The following RPS6KA2 variants were observed in gnomAD, a reference collection of about 807,000 sequenced individuals.
RPS6KA2 encodes the protein ribosomal protein S6 kinase alpha-2.
In RPS6KA2, 42 loss-of-function variants were observed where a neutral mutation model predicts 91.8. The ratio of observed to expected loss-of-function variants is 0.46; its 90% CI spans 0.36 to 0.59. The LOEUF (loss-of-function observed/expected upper bound fraction) is 0.59. RPS6KA2 is among the 20% of genes least tolerant of loss of function. RPS6KA2 has a pLI of 0.00. For missense variants in RPS6KA2, 798 were observed against 978.5 expected (o/e 0.82, Z 2.46); for synonymous variants, 414 against 393.6 (o/e 1.05, Z -0.61).
intron 2 of RPS6KA2, among the ~76,000 whole-genome samples, chr6:166,761,265 G>A (rs573696091): frequency 5.3e-5 from 8 of 152,100 alleles, no homozygotes; most frequent in African/African-American, 1.7e-4. Context: ...GGCTGGTCTC[G>A]AACTCCTGAC....
At chr6:166,847,169 G>GA (rs201413326) in intron 2 of RPS6KA2, among the ~76,000 whole-genome samples, 41 of 146,108 alleles carry the variant, frequency 2.8e-4, no homozygotes, top group Admixed American at 2.1e-4. Flanking sequence ...TACAAGAGCT[G>GA]AAAAAAAAAA....
At chr6:166,541,137 C>T (rs961476737) in intron 1 of RPS6KA2, among the ~76,000 whole-genome samples, 6 of 152,172 alleles carry the variant, frequency 3.9e-5, no homozygotes, top group Admixed American at 1.3e-4. Flanking sequence ...GTTAATGCGA[C>T]GCCCACACTA....
chr6:166,840,698 C>T (rs1008347159), intron 2 of RPS6KA2, among the ~76,000 whole-genome samples: 4 of 152,154 alleles, frequency 2.6e-5, no homozygotes, highest in Non-Finnish European at 4.4e-5. Context: ...CTGGGCCGGG[C>T]GTGGTGGCTC....
Position 166,419,959 on chromosome 6 carries a change from C to G in RPS6KA2, c.1744-1G>C. 6.2e-7 allele frequency: 1 copy of G among 1,613,568 alleles called. No homozygotes were observed. Among genetic ancestry groups the G allele is most frequent in the Non-Finnish European group, 8.5e-7 (1 of 1,179,654 alleles). On this transcript the variant is annotated splice_acceptor_variant, in intron 17 of 20. Transcript: ENST00000265678. LOFTEE classifies it high-confidence loss of function. This position sits in a 1 kb window ranked among gnomAD's most constrained non-coding sequence, Gnocchi z 5.6. ...CATCATAGCCTTGACGCTTCAGGAC[C>G]TAGGAGGGAACGACAGGACACCGGC...
intron 2 of RPS6KA2, among the ~76,000 whole-genome samples, chr6:166,688,026 G>A (rs916238302): frequency 5.9e-5 from 9 of 152,300 alleles, no homozygotes; most frequent in African/African-American, 1.7e-4. Context: ...ATGACACAGC[G>A]GGACAGGGAT....
chr6:166,451,856 T>C (rs866591725), intron 12 of RPS6KA2, among the ~76,000 whole-genome samples: 7 of 152,356 alleles, frequency 4.6e-5, no homozygotes, highest in Middle Eastern at 3.4e-3. Context: ...GCATGACTGC[T>C]GTGAGATTGA....
intron 1 of RPS6KA2, among the ~76,000 whole-genome samples, chr6:166,589,617 C>A (rs911750133): frequency 6.6e-6 from 1 of 152,128 alleles, no homozygotes; most frequent in African/African-American, 2.4e-5. Context: ...AAATAAGAGC[C>A]TAAAGGGAAA....
intron 10 of RPS6KA2, among the ~76,000 whole-genome samples, chr6:166,486,606 C>T (rs1781418804): frequency 6.6e-6 from 1 of 152,258 alleles, no homozygotes; most frequent in South Asian, 2.1e-4. Flanking sequence ...GCACTGGACA[C>T]AGTCCTTTCC....
At chr6:166,706,233 C>T (rs1203541034) in intron 2 of RPS6KA2, among the ~76,000 whole-genome samples, 1 of 152,134 alleles carries the variant, frequency 6.6e-6, no homozygotes, top group South Asian at 2.1e-4. Context: ...TATCAAATAC[C>T]TCTCTGTACC....
intron 2 of RPS6KA2, among the ~76,000 whole-genome samples, chr6:166,836,613 G>A (rs1482712100): frequency 1.3e-5 from 2 of 152,000 alleles, no homozygotes; most frequent in African/African-American, 4.8e-5. Flanking sequence ...TCCCCTCTGT[G>A]CTAAAACTCA....
chr6:166,541,315 C>T (rs1008819574), intron 1 of RPS6KA2, among the ~76,000 whole-genome samples: 3 of 152,366 alleles, frequency 2.0e-5, no homozygotes, highest in African/African-American at 7.2e-5. Flanking sequence ...GCAGCCACCA[C>T]CCTTTCCTGG....
chr6:166,738,172 C>G (rs1234771777), intron 2 of RPS6KA2, among the ~76,000 whole-genome samples: 1 of 152,168 alleles, frequency 6.6e-6, no homozygotes, highest in Non-Finnish European at 1.5e-5. Flanking sequence ...TATGAATGTA[C>G]ACATAGGTTA....
intron 10 of RPS6KA2, among the ~76,000 whole-genome samples, chr6:166,471,253 G>T (rs2128465559): frequency 6.6e-6 from 1 of 152,346 alleles, no homozygotes; most frequent in South Asian, 2.1e-4. Flanking sequence ...AGCTGGCCTG[G>T]AGTGGCGCAG....
chr6:166,510,453 T>C, intron 3 of RPS6KA2, 96 bp from the exon 4 acceptor site: 1 of 713,070 alleles, frequency 1.4e-6, no homozygotes, highest in Admixed American at 3.3e-5. Flanking sequence ...CCGCCAACTT[T>C]TCATTAAAAA....
intron 2 of RPS6KA2, among the ~76,000 whole-genome samples, chr6:166,827,632 C>T (rs78680405): frequency 2.0e-5 from 3 of 152,144 alleles, no homozygotes; most frequent in Non-Finnish European, 2.9e-5. Context: ...CATTCTGTTG[C>T]GTACTGAAAA....
intron 2 of RPS6KA2, among the ~76,000 whole-genome samples, chr6:166,689,506 C>T (rs1789135914): frequency 6.6e-6 from 1 of 152,194 alleles, no homozygotes; most frequent in African/African-American, 2.4e-5. Flanking sequence ...TTAAACTGAG[C>T]ATGGCCAGTT....
At chr6:166,678,327 G>A (rs557803761) in intron 2 of RPS6KA2, among the ~76,000 whole-genome samples, 191 of 152,228 alleles carry the variant, frequency 1.3e-3, no homozygotes, top group African/African-American at 4.2e-3. Flanking sequence ...CCCCTGACTG[G>A]GCCTCCACCC....
intron 2 of RPS6KA2, among the ~76,000 whole-genome samples, chr6:166,855,226 T>A (rs9459778): frequency 0.72 from 109,350 of 152,116 alleles, 45,224 homozygotes; most frequent in Non-Finnish European, 0.92. Flanking sequence ...CATGTTGGGT[T>A]CTGTGGTCAC....
At chr6:166,859,808 A>T (rs1337534207) in intron 1 of RPS6KA2, among the ~76,000 whole-genome samples, 1 of 152,220 alleles carries the variant, frequency 6.6e-6, no homozygotes, top group Non-Finnish European at 1.5e-5. Context: ...AGGAATGCTG[A>T]TTCTAGTCCC....
Sources: gnomAD v4.1 joint callset for allele counts (sites outside exome capture counted in the v4.1 genomes callset) on GRCh38, gnomAD v4.1.1 for gene constraint, Gnocchi (gnomAD v3.1) non-coding constraint, MANE v1.5 for transcripts, NCBI Gene and HGNC (gene_info 2026-07-23, HGNC 2026-07-21) for gene names.